Variants in FBXW7 observed in about 807,000 individuals in gnomAD.
FBXW7 encodes F-box and WD repeat domain containing 7.
In FBXW7, 11 loss-of-function variants were observed where a neutral mutation model predicts 86.3. The observed-to-expected ratio is 0.13, with a 90% CI of 0.08 to 0.21. The LOEUF (loss-of-function observed/expected upper bound fraction) is 0.21, where lower values mean the gene tolerates loss of function less well. Ranked by LOEUF, FBXW7 falls within the 10% of genes least tolerant of loss-of-function variation. FBXW7 has a pLI of 1.00. For synonymous variants in FBXW7, 313 were observed against 297.9 expected, an observed-to-expected ratio of 1.05 and a Z score of -0.52; for missense variants, 488 against 847.4, an observed-to-expected ratio of 0.58 and a Z score of 5.27.
At chr4:152,521,921 C>T (rs1217206134) in intron 2 of FBXW7, among the ~76,000 whole-genome samples, 4 of 146,866 alleles carry the variant, frequency 2.7e-5, no homozygotes, top group Non-Finnish European at 5.9e-5. Flanking sequence ...CTGGTTCAAG[C>T]GATTCTCCCT....
chr4:152,420,077 T>C (rs1014644750), intron 2 of FBXW7, among the ~76,000 whole-genome samples: 6 of 152,220 alleles, frequency 3.9e-5, no homozygotes, highest in Non-Finnish European at 7.4e-5. Flanking sequence ...TCTTTCAAGA[T>C]TGGAGGCAAT....
Position 152,322,949 on chromosome 4 carries a change from C to A in FBXW7, c.2056G>T (p.Val686Phe), listed in dbSNP as rs1307998016. 6.2e-7 allele frequency: 1 copy of A among 1,613,804 alleles called. No individual in the cohort carries two copies. The highest frequency in any genetic ancestry group is 8.5e-7 in the Non-Finnish European group (1 of 1,179,790). The change falls in exon 14 of 14, where the codon GTT (valine) becomes TTT (phenylalanine). Residue 686 changes from valine to phenylalanine, a missense_variant. Transcript: ENST00000281708. ...RASNTKLVCA[V>F]GSRNGTEETK... ...TCTTCAGTCCCATTCCGACTCCCAA[C>A]TGCACACACCAGCTTTGTGTTTGAG...
chr4:152,378,898 T>C (rs922412339), intron 4 of FBXW7, among the ~76,000 whole-genome samples: 1 of 152,006 alleles, frequency 6.6e-6, no homozygotes, highest in Non-Finnish European at 1.5e-5. Flanking sequence ...CCCAGCTACT[T>C]GGGAGGCTGA....
At chr4:152,323,919 T>C (rs1183283988) in intron 13 of FBXW7, 20 of 359,934 alleles carry the variant, frequency 5.6e-5, no homozygotes, top group Non-Finnish European at 9.1e-5. Flanking sequence ...AAGATCTTTC[T>C]TCTCACTGTT....
chr4:152,330,220 T>G (rs995424527), intron 9 of FBXW7, among the ~76,000 whole-genome samples: 1 of 151,952 alleles, frequency 6.6e-6, no homozygotes, highest in Non-Finnish European at 1.5e-5. Context: ...AGTATAACAA[T>G]GTCTCCCCAA....
At position 152,399,414 on chromosome 4, in the gene FBXW7, C is replaced by A. The variant is rs187026031; in HGVS notation, c.501+11889G>T. Among the ~76,000 whole-genome samples the A allele has an allele frequency of 3.0e-4, 46 of 152,206 alleles. No homozygotes were observed. The East Asian group carries it at 8.7e-3, about 29-fold the overall frequency. ...TGTCCTACTAAGATCAGACACAAGGCAAGAATGTCCTCTTTAACCACTGCT... is the reference window on the plus strand; with the variant it reads ...TGTCCTACTAAGATCAGACACAAGGAAAGAATGTCCTCTTTAACCACTGCT... On this transcript the variant is annotated intron_variant, in intron 4 of 13. Transcript: ENST00000281708.
intron 7 of FBXW7, among the ~76,000 whole-genome samples, chr4:152,336,513 C>A (rs1362569183): frequency 1.3e-5 from 2 of 151,972 alleles, no homozygotes; most frequent in African/African-American, 4.8e-5. Flanking sequence ...ACTAAGTAAA[C>A]TACAGAGAAT....
intron 4 of FBXW7, among the ~76,000 whole-genome samples, chr4:152,389,389 A>G (rs1735808994): frequency 6.6e-6 from 1 of 152,118 alleles, no homozygotes; most frequent in Non-Finnish European, 1.5e-5. Flanking sequence ...TAACCCACAT[A>G]TATATATGTT....
At chr4:152,346,664 G>A (rs1731294530) in intron 6 of FBXW7, 1 of 396,426 alleles carries the variant, frequency 2.5e-6, no homozygotes, top group Non-Finnish European at 4.6e-6. Context: ...TGTACCTACT[G>A]GCAGTTAGTC....
At chr4:152,421,745 T>C (rs1247216436) in intron 2 of FBXW7, among the ~76,000 whole-genome samples, 3 of 152,098 alleles carry the variant, frequency 2.0e-5, no homozygotes, top group Admixed American at 6.6e-5. Context: ...GGTTATTAAT[T>C]GGCAAAATTT....
intron 2 of FBXW7, among the ~76,000 whole-genome samples, chr4:152,478,698 T>C (rs867461359): frequency 9.2e-5 from 14 of 152,104 alleles, no homozygotes; most frequent in Non-Finnish European, 1.6e-4. Context: ...GCAGGCATGG[T>C]TCCAATTTTC....
intron 4 of FBXW7, among the ~76,000 whole-genome samples, chr4:152,366,292 A>G (rs1306913031): frequency 6.6e-6 from 1 of 152,168 alleles, no homozygotes; most frequent in Non-Finnish European, 1.5e-5. Flanking sequence ...ATGAGCAATA[A>G]AAATGCAACT....
chr4:152,381,834 A>G (rs552033957), intron 4 of FBXW7, among the ~76,000 whole-genome samples: 3 of 152,258 alleles, frequency 2.0e-5, no homozygotes, highest in South Asian at 2.1e-4. Flanking sequence ...TCCCATGTAT[A>G]AGGAGAATAC....
chr4:152,480,252 G>C (rs1744758987), intron 2 of FBXW7, among the ~76,000 whole-genome samples: 1 of 152,056 alleles, frequency 6.6e-6, no homozygotes, highest in Non-Finnish European at 1.5e-5. Context: ...TATTGTATCT[G>C]TTATGGTGAT....
intron 2 of FBXW7, among the ~76,000 whole-genome samples, chr4:152,481,896 T>C (rs1353886467): frequency 6.6e-6 from 1 of 152,268 alleles, no homozygotes; most frequent in Non-Finnish European, 1.5e-5. Flanking sequence ...GTGAAGATGC[T>C]GTGAACATCA....
intron 2 of FBXW7, among the ~76,000 whole-genome samples, chr4:152,437,224 G>T (rs1002706008): frequency 6.6e-6 from 1 of 152,058 alleles, no homozygotes; most frequent in African/African-American, 2.4e-5. Flanking sequence ...TCCAACCCTC[G>T]TGGATGACTT....
chr4:152,419,052 G>C (rs1304894990), intron 2 of FBXW7, among the ~76,000 whole-genome samples: 1 of 152,078 alleles, frequency 6.6e-6, no homozygotes, highest in African/African-American at 2.4e-5. Context: ...ATATCACCGA[G>C]TAAAGTTTTT....
intron 4 of FBXW7, chr4:152,382,512 T>C: frequency 1.7e-6 from 2 of 1,182,648 alleles, no homozygotes; most frequent in Non-Finnish European, 2.1e-6. Context: ...CTGACCTGTC[T>C]GAGGCTTGGT....
chr4:152,388,191 T>C (rs554391322), intron 4 of FBXW7, among the ~76,000 whole-genome samples: 1 of 152,322 alleles, frequency 6.6e-6, no homozygotes, highest in African/African-American at 2.4e-5. Context: ...CCAATTATAA[T>C]GTATTTGAGA....
Sources: allele counts gnomAD v4.1 joint callset (sites outside exome capture counted in the v4.1 genomes callset), GRCh38; gene constraint gnomAD v4.1.1; transcripts MANE v1.5; gene names NCBI Gene and HGNC (gene_info 2026-07-23, HGNC 2026-07-21).